VAMP2: variants seen among roughly 807,000 people sequenced by gnomAD.
VAMP2 encodes vesicle associated membrane protein 2.
For synonymous variants in VAMP2, 67 were observed against 57.3 expected (o/e 1.17, Z -0.76); for missense variants, 95 against 151.3 (o/e 0.63, Z 1.95).
In VAMP2 at chr17:8,161,241, A is replaced by G. The variant is rs73975806; in HGVS notation, c.334+232T>C. The G allele has an allele frequency of 1.7e-3, 1,142 of 652,932 alleles. 10 individuals are homozygous for G. The African/African-American group carries it at 0.019, about 11-fold the overall frequency. 40.4% of individuals were successfully genotyped at this position (652,932 alleles called of 1,614,324 possible). On this transcript the variant is annotated intron_variant, in intron 4 of 4. Transcript: ENST00000316509. Reference sequence around the variant, plus strand: ...GGCTCTTAGGCCTAAAGGGTCCTCAATGGATACACCAGCTTTCCTATTTCC... The same window carrying G: ...GGCTCTTAGGCCTAAAGGGTCCTCAGTGGATACACCAGCTTTCCTATTTCC...
intron 1 of VAMP2, chr17:8,162,664 G>T: frequency 7.2e-7 from 1 of 1,387,876 alleles, no homozygotes; most frequent in African/African-American, 1.5e-5. Context: ...GGAGGGGCAG[G>T]AGGACACTGG....
Position 8,162,891 on chromosome 17 carries a change from CG to C in VAMP2, c.-13del. On this transcript the variant is annotated 5_prime_UTR_variant, in exon 1 of 5. Transcript: ENST00000316509. ...CGGCCGACTCACATGGCGGGGGCAG[CG>C]GGTGGAGGACTTGGCAGCGGCAGTG... The C allele has an allele frequency of 8.3e-7, 1 of 1,211,396 alleles. No homozygotes were observed. The highest frequency in any genetic ancestry group is 1.0e-6 in the Non-Finnish European group (1 of 974,748). The allele number at this position is 1,211,396 out of a possible 1,614,324, so 75.0% of individuals were successfully genotyped here.
chr17:8,161,169 T>C, intron 4 of VAMP2: 4 of 568,626 alleles, frequency 7.0e-6, no homozygotes, highest in Non-Finnish European at 1.2e-5. Context: ...CTCAAGCCCC[T>C]GGTCCTTTCC....
At chr17:8,162,110 G>A in intron 2 of VAMP2, 139 bp downstream of exon 2, 3 of 1,372,086 alleles carry the variant, frequency 2.2e-6, no homozygotes, top group South Asian at 1.5e-5. Flanking sequence ...CTGACAGGGA[G>A]ACAGGGATGG....
At chr17:8,161,351 C>T in intron 4 of VAMP2, 122 bp downstream of exon 4, 1 of 1,371,086 alleles carries the variant, frequency 7.3e-7, no homozygotes, top group Non-Finnish European at 9.9e-7. Context: ...TCAGAATTGC[C>T]ATTAGCAGCT....
In VAMP2 at chr17:8,160,387, T is replaced by TTTTG. The variant is rs1983265235; in HGVS notation, c.*467_*468insCAAA. 1 of 126,056 alleles carries TTTTG rather than the reference T, an allele frequency of 7.9e-6. No homozygotes were observed. The highest frequency in any genetic ancestry group is 8.4e-5 in the Admixed American group (1 of 11,926). The allele number at this position is 126,056 out of a possible 1,614,324, so 7.8% of individuals were successfully genotyped here. ...GCCTGGACAGGTGCTGTTGTTTTTTTTTTTTTTTTTTTTTTTTTGAGGGCG... is the reference window on the plus strand; with the variant it reads ...GCCTGGACAGGTGCTGTTGTTTTTTTTTTGTTTTTTTTTTTTTTTTTTGAGGGCG... On this transcript the variant is annotated 3_prime_UTR_variant, in exon 5 of 5. Coordinates refer to ENST00000316509, the MANE Select transcript of VAMP2 (RefSeq NM_014232.3).
At chr17:8,161,826 C>A (rs1983322711) in intron 2 of VAMP2, 60 bp from the exon 3 acceptor site, 3 of 1,581,526 alleles carry the variant, frequency 1.9e-6, no homozygotes, top group Non-Finnish European at 2.6e-6. Flanking sequence ...TGAGGGCAAT[C>A]CTCAAACATG....
At chr17:8,162,423 G>A in intron 1 of VAMP2, 54 bp from the exon 2 acceptor site, 3 of 1,596,752 alleles carry the variant, frequency 1.9e-6, no homozygotes, top group Non-Finnish European at 2.6e-6. Context: ...CGGCCCCGCA[G>A]CCAGGGCTCC....
Position 8,162,440 on chromosome 17 carries a change from C to G in VAMP2, c.3-71G>C, listed in dbSNP as rs772561455. 8.2e-6 allele frequency: 13 copies of G among 1,581,618 alleles called. No individual in the cohort carries two copies. In the Admixed American group the frequency reaches 2.2e-4, roughly 27 times the overall value. Reference sequence around the variant, plus strand: ...GCCCCGCAGCCAGGGCTCCGCCCATCCACCTGTCCATCCTCGTCCCTCCAG... The same window carrying G: ...GCCCCGCAGCCAGGGCTCCGCCCATGCACCTGTCCATCCTCGTCCCTCCAG... On this transcript the variant is annotated intron_variant, in intron 1 of 4. Transcript: ENST00000316509.
Position 8,160,387 on chromosome 17 carries a change from T to TTTTTTTTTTTTG in VAMP2, c.*467_*468insCAAAAAAAAAAA, listed in dbSNP as rs1983265315. On this transcript the variant is annotated 3_prime_UTR_variant, in exon 5 of 5. Transcript: ENST00000316509. ...GCCTGGACAGGTGCTGTTGTTTTTTTTTTTTTTTTTTTTTTTTTGAGGGCG... is the reference window on the plus strand; with the variant it reads ...GCCTGGACAGGTGCTGTTGTTTTTTTTTTTTTTTTTTGTTTTTTTTTTTTTTTTTTGAGGGCG... 2 of 126,056 alleles carry TTTTTTTTTTTTG rather than the reference T, an allele frequency of 1.6e-5. No individual in the cohort carries two copies. The highest frequency in any genetic ancestry group is 3.4e-5 in the Non-Finnish European group (2 of 59,214). 7.8% of individuals were successfully genotyped at this position (126,056 alleles called of 1,614,324 possible). A position where few individuals can be genotyped will look rare whatever the true frequency, so the allele number is the denominator to read the frequency against.
At position 8,161,538 on chromosome 17, in the gene VAMP2, G is replaced by A. The variant is rs1373040611; in HGVS notation, c.283-14C>T. The A allele has an allele frequency of 5.6e-6, 9 of 1,614,154 alleles. No individual in the cohort carries two copies. Among genetic ancestry groups the A allele is most frequent in the Non-Finnish European group, 7.6e-6 (9 of 1,180,010 alleles). Reference sequence around the variant, plus strand: ...GATGATCATCATCTGGGGGTGAGAGGCGAGGATCAGTAAGACAAACTATGA... The same window carrying A: ...GATGATCATCATCTGGGGGTGAGAGACGAGGATCAGTAAGACAAACTATGA... On this transcript the variant is annotated splice_polypyrimidine_tract_variant and intron_variant, in intron 3 of 4. Transcript: ENST00000316509.
In VAMP2 at chr17:8,162,139, G is replaced by A. The variant is rs898641815; in HGVS notation, c.123+110C>T. ...GGGATGGGGCATGGTATCTTTGTCC[G>A]CAAACCCACAGGCGTGAACTGTCAT... On this transcript the variant is annotated intron_variant, in intron 2 of 4. Coordinates refer to ENST00000316509, the MANE Select transcript of VAMP2 (RefSeq NM_014232.3). 2.6e-5 allele frequency: 38 copies of A among 1,453,936 alleles called. No individual in the cohort carries two copies. In the Admixed American group the frequency reaches 3.0e-4, roughly 11 times the overall value. The allele number at this position is 1,453,936 out of a possible 1,614,324, so 90.1% of individuals were successfully genotyped here. A position where few individuals can be genotyped will look rare whatever the true frequency, so the allele number is the denominator to read the frequency against.
chr17:8,161,425 G>C (rs1207577637), intron 4 of VAMP2, 48 bp downstream of exon 4: 6 of 1,610,100 alleles, frequency 3.7e-6, no homozygotes, highest in Admixed American at 3.4e-5. Flanking sequence ...GAATCCACTG[G>C]GGAAACCTCT....
Position 8,161,745 on chromosome 17 carries a change from T to G in VAMP2, c.145A>C (p.Asn49His). ...VDEVVDIMRV[N>H]VDKVLERDQK... ...TCTCGCTCCAGGACCTTGTCCACGTTCACCCTCATGATGTCCACCACCTGG... is the reference window on the plus strand; with the variant it reads ...TCTCGCTCCAGGACCTTGTCCACGTGCACCCTCATGATGTCCACCACCTGG... Residue 49 changes from asparagine (N) to histidine (H), a missense_variant, in exon 3 of 5, where the codon AAC becomes CAC. Physicochemically the swap from Asn to His is moderately conservative, Grantham distance 68. Transcript: ENST00000316509. 1 of 1,613,910 alleles carries G rather than the reference T, an allele frequency of 6.2e-7. No individual in the cohort carries two copies. Among genetic ancestry groups the G allele is most frequent in the Non-Finnish European group, 8.5e-7 (1 of 1,179,844 alleles).
In VAMP2 at chr17:8,160,107, C is replaced by G. The variant is rs1170506634; in HGVS notation, c.*748G>C. ...CAGCCTGGTTCCCCAAAAGCCCAGG[C>G]TCCCCACCACCTGCGAGTAATGTCG... On this transcript the variant is annotated 3_prime_UTR_variant, in exon 5 of 5. Transcript: ENST00000316509. 6.6e-6 allele frequency: 1 copy of G among 152,194 alleles called. No individual in the cohort carries two copies. The highest frequency in any genetic ancestry group is 1.9e-4 in the East Asian group (1 of 5,198). 9.4% of individuals were successfully genotyped at this position (152,194 alleles called of 1,614,324 possible). A position where few individuals can be genotyped will look rare whatever the true frequency, so the allele number is the denominator to read the frequency against.
intron 4 of VAMP2, chr17:8,161,103 G>C (rs1351457017): frequency 3.6e-6 from 2 of 557,512 alleles, no homozygotes; most frequent in Non-Finnish European, 6.3e-6. Flanking sequence ...CTAATCCTCT[G>C]AGCCTCTGAG....
Position 8,161,007 on chromosome 17 carries a change from A to C in VAMP2, c.335-136T>G, listed in dbSNP as rs906437100. 45 of 704,264 alleles carry C rather than the reference A, an allele frequency of 6.4e-5. 1 individual carries two copies. The Admixed American group carries it at 9.6e-4, about 15-fold the overall frequency. 43.6% of individuals were successfully genotyped at this position (704,264 alleles called of 1,614,324 possible). On this transcript the variant is annotated intron_variant, in intron 4 of 4. Transcript: ENST00000316509. ...CTGGCTGACACCCTCTCTTGGACTCAGTTTTTCCATCTACAAAGCAAGGGG... is the reference window on the plus strand; with the variant it reads ...CTGGCTGACACCCTCTCTTGGACTCCGTTTTTCCATCTACAAAGCAAGGGG...
Position 8,161,737 on chromosome 17 carries a change from G to A in VAMP2, c.153C>T (p.Asp51=). 1.2e-6 allele frequency: 2 copies of A among 1,614,110 alleles called. No individual in the cohort carries two copies. The highest frequency in any genetic ancestry group is 1.3e-5 in the African/African-American group (1 of 75,042). Residue 51 remains aspartate, a synonymous_variant, in exon 3 of 5, where the codon GAC becomes GAT. Coordinates refer to ENST00000316509, the MANE Select transcript of VAMP2 (RefSeq NM_014232.3). ...EVVDIMRVNV[D]KVLERDQKLS... is the part of the protein sequence containing the mutation. ...GCTTCTGGTCTCGCTCCAGGACCTT[G>A]TCCACGTTCACCCTCATGATGTCCA...
rs1983293349 is a variant in VAMP2 at position 8,160,918 on chromosome 17, A to G, written c.335-47T>C. The G allele has an allele frequency of 3.3e-6, 5 of 1,511,596 alleles. No homozygotes were observed. In the Admixed American group the frequency reaches 5.1e-5, roughly 15 times the overall value. 93.6% of individuals were successfully genotyped at this position (1,511,596 alleles called of 1,614,324 possible). On this transcript the variant is annotated intron_variant, in intron 4 of 4. Transcript: ENST00000316509. ...ATGAGGAAGAGGGAGAGGGGAGAGA[A>G]AGAGAGAGAACAAGAAAGCAGTGTG... is the stretch of plus-strand genomic sequence containing the variant.
Sources: allele counts gnomAD v4.1 joint callset, GRCh38; gene constraint gnomAD v4.1.1; transcripts MANE v1.5; gene names NCBI Gene and HGNC (gene_info 2026-07-23, HGNC 2026-07-21).